The following MCOLN2 variants were observed in gnomAD, a reference collection of about 807,000 sequenced individuals.
MCOLN2 encodes the protein mucolipin-2.
Under a neutral mutation model 67.5 loss-of-function variants are expected in MCOLN2, and 57 were observed. The observed-to-expected ratio is 0.84, with a 90% CI of 0.68 to 1.05. The LOEUF is 1.05. MCOLN2 is among the 50% of genes least tolerant of loss of function. The probability of loss-of-function intolerance (pLI) is 0.00; values close to 1 mark genes in which losing one functional copy is unlikely to be tolerated. For missense variants in MCOLN2, 620 were observed against 678.8 expected, an observed-to-expected ratio of 0.91 and a Z score of 0.96; for synonymous variants, 246 against 233.3, an observed-to-expected ratio of 1.05 and a Z score of -0.50.
chr1:84,956,523 C>A lies in MCOLN2; in HGVS notation c.473G>T (p.Arg158Ile), dbSNP rs865844564. The change falls in exon 4 of 14, where the codon AGA becomes ATA. Residue 158 changes from arginine (R) to isoleucine (I), a missense_variant. Coordinates refer to ENST00000370608, the MANE Select transcript of MCOLN2 (RefSeq NM_153259.4). ...CTGCTTACAGACTTTTAAGCCAATT[C>A]TATTGTCTTCATTTTCTCCATAACC... is the stretch of plus-strand genomic sequence containing the variant. ...TLGYGENEDN[R>I]IGLKVCKQHY... 2.5e-6 allele frequency: 4 copies of A among 1,611,540 alleles called. No homozygotes were observed. In the African/African-American group the frequency reaches 4.0e-5, roughly 16 times the overall value.
chr1:84,956,547 C>A lies in MCOLN2; in HGVS notation c.449G>T (p.Gly150Val), dbSNP rs773600408. ...QLKDITLGTL[G>V]YGENEDNRIG... ...TCTATTGTCTTCATTTTCTCCATAA[C>A]CAAGGGTCCCCAGGGTAATGTCCTT... Residue 150 changes from glycine to valine, a missense_variant, in exon 4 of 14, where the codon GGT becomes GTT. Coordinates refer to ENST00000370608, the MANE Select transcript of MCOLN2 (RefSeq NM_153259.4). 2 of 1,610,190 alleles carry A rather than the reference C, an allele frequency of 1.2e-6. No homozygotes were observed. The highest frequency in any genetic ancestry group is 1.7e-6 in the Non-Finnish European group (2 of 1,178,850).
chr1:84,995,094 C>T lies in MCOLN2; in HGVS notation c.77+1702G>A, dbSNP rs1651081929. Among the ~76,000 whole-genome samples the T allele has an allele frequency of 3.3e-5, 5 of 152,072 alleles. No individual in the cohort carries two copies. In the South Asian group the frequency reaches 1.0e-3, roughly 32 times the overall value. ...ACATACAACATTTATTAATTGAGTT[C>T]CCTGTCTTATATGGGCACAGTTCAT... On this transcript the variant is annotated intron_variant, in intron 1 of 13. Transcript: ENST00000370608.
At chr1:84,947,969 C>T (rs911642263) in intron 6 of MCOLN2, among the ~76,000 whole-genome samples, 21 of 152,372 alleles carry the variant, frequency 1.4e-4, no homozygotes, top group African/African-American at 5.0e-4. Context: ...CAGAAGTGCA[C>T]AGCAGGAAGC....
At chr1:84,961,889 GGAGA>G (rs1649105454) in intron 2 of MCOLN2, among the ~76,000 whole-genome samples, 1 of 152,106 alleles carries the variant, frequency 6.6e-6, no homozygotes, top group South Asian at 2.1e-4. Context: ...AAAGGATATG[GGAGA>G]GAAAGAGTAG....
chr1:84,978,466 A>G (rs967944977), intron 1 of MCOLN2, among the ~76,000 whole-genome samples: 1 of 152,130 alleles, frequency 6.6e-6, no homozygotes, highest in Non-Finnish European at 1.5e-5. Context: ...AGCTAAAAAA[A>G]ATTGACAAAA....
At chr1:84,930,280 A>G (rs1241403516) in intron 12 of MCOLN2, among the ~76,000 whole-genome samples, 4 of 151,978 alleles carry the variant, frequency 2.6e-5, no homozygotes, top group Admixed American at 2.6e-4. Flanking sequence ...AAAAAAAAAA[A>G]AAGTCTAAAC....
chr1:84,959,457 T>C (rs1355435194), intron 2 of MCOLN2, among the ~76,000 whole-genome samples: 1 of 152,160 alleles, frequency 6.6e-6, no homozygotes, highest in Non-Finnish European at 1.5e-5. Flanking sequence ...GTTTTCTTCT[T>C]GGAACCCAAT....
intron 1 of MCOLN2, among the ~76,000 whole-genome samples, chr1:84,968,728 C>G (rs1325712240): frequency 6.6e-6 from 1 of 152,192 alleles, no homozygotes; most frequent in Admixed American, 6.5e-5. Context: ...TTAACCTGCT[C>G]CTTCTTGTCC....
chr1:84,932,603 A>C (rs1647235135), intron 11 of MCOLN2, among the ~76,000 whole-genome samples: 1 of 152,132 alleles, frequency 6.6e-6, no homozygotes, highest in Admixed American at 6.5e-5. Flanking sequence ...TTTTTTTTCT[A>C]AATTGCCCTA....
intron 1 of MCOLN2, among the ~76,000 whole-genome samples, chr1:84,995,045 G>A (rs927098061): frequency 5.3e-5 from 8 of 152,148 alleles, no homozygotes; most frequent in African/African-American, 1.9e-4. Flanking sequence ...TAGAAGAATG[G>A]CTGGTCGGTG....
intron 11 of MCOLN2, among the ~76,000 whole-genome samples, chr1:84,933,248 T>C (rs1249234610): frequency 6.6e-6 from 1 of 152,194 alleles, no homozygotes; most frequent in Non-Finnish European, 1.5e-5. Flanking sequence ...TATGGTCTTC[T>C]AATTGTTTTT....
At chr1:84,960,033 TA>T (rs1025802078) in intron 2 of MCOLN2, among the ~76,000 whole-genome samples, 4 of 152,130 alleles carry the variant, frequency 2.6e-5, no homozygotes, top group African/African-American at 9.7e-5. Context: ...AACCTGTCTC[TA>T]AAAAAATAAA....
Position 84,926,641 on chromosome 1 carries a change from C to T in MCOLN2, c.*44G>A, listed in dbSNP as rs6681025. 0.28 allele frequency: 415,317 copies of T among 1,465,550 alleles called. 60,964 individuals are homozygous for T. The highest frequency in any genetic ancestry group is 0.38 in the East Asian group (15,674 of 40,750). 90.8% of individuals were successfully genotyped at this position (1,465,550 alleles called of 1,614,324 possible). ...GTCATTTGGGGTTCCTCTGCTCAGC[C>T]GCTGGATAAGGATGCCTGAACTTTA... On this transcript the variant is annotated 3_prime_UTR_variant, in exon 14 of 14. Transcript: ENST00000370608.
intron 12 of MCOLN2, among the ~76,000 whole-genome samples, chr1:84,930,669 T>C (rs939622391): frequency 6.6e-6 from 1 of 152,174 alleles, no homozygotes; most frequent in Admixed American, 6.5e-5. Flanking sequence ...GGGTTTCTTC[T>C]GCATTATTCT....
At chr1:84,939,726 G>A (rs201778545) in intron 8 of MCOLN2, 24 bp from the exon 9 acceptor site, 187 of 1,612,938 alleles carry the variant, frequency 1.2e-4, no homozygotes, top group Admixed American at 2.2e-4. Flanking sequence ...TTAAAGAAGC[G>A]TTTCTTACAA....
intron 6 of MCOLN2, among the ~76,000 whole-genome samples, chr1:84,950,507 T>C (rs1648366217): frequency 3.9e-5 from 6 of 152,224 alleles, no homozygotes; most frequent in Admixed American, 3.9e-4. Context: ...CATATAATGT[T>C]TTCAGAAAGA....
intron 1 of MCOLN2, among the ~76,000 whole-genome samples, chr1:84,982,372 A>G (rs2102880007): frequency 6.6e-6 from 1 of 152,246 alleles, no homozygotes; most frequent in Middle Eastern, 3.4e-3. Context: ...CCTGGCCTCA[A>G]GCAAGCCTCC....
intron 1 of MCOLN2, among the ~76,000 whole-genome samples, chr1:84,985,677 C>G (rs1273142542): frequency 1.3e-5 from 2 of 152,052 alleles, no homozygotes; most frequent in Non-Finnish European, 2.9e-5. Context: ...AGAACTCAAC[C>G]CCTTTCACAA....
At chr1:84,972,111 C>T (rs929687521) in intron 1 of MCOLN2, 1 of 152,122 alleles carries the variant, frequency 6.6e-6, no homozygotes, top group African/African-American at 2.4e-5. Context: ...AATACTGCAA[C>T]TTCCATCACA....
Sources: allele counts gnomAD v4.1 joint callset (sites outside exome capture counted in the v4.1 genomes callset), GRCh38; gene constraint gnomAD v4.1.1; transcripts MANE v1.5; gene names NCBI Gene and HGNC (gene_info 2026-07-23, HGNC 2026-07-21).